GXYLT1: variants seen among roughly 807,000 people sequenced by gnomAD.
GXYLT1 encodes the protein glycosyltransferase 8 domain containing 3.
In GXYLT1, 29 loss-of-function variants were observed where a neutral mutation model predicts 54.0. The ratio of observed to expected loss-of-function variants is 0.54; its 90% CI spans 0.40 to 0.73. The LOEUF is 0.73. Ranked by LOEUF, GXYLT1 falls within the 30% of genes least tolerant of loss-of-function variation. The pLI, the probability that GXYLT1 is intolerant of heterozygous loss-of-function variation, is 0.00. For synonymous variants in GXYLT1, 176 were observed against 204.1 expected, an observed-to-expected ratio of 0.86 and a Z score of 1.17; for missense variants, 490 against 553.4, an observed-to-expected ratio of 0.89 and a Z score of 1.15.
chr12:42,118,592 T>G (rs1304987615), intron 3 of GXYLT1, among the ~76,000 whole-genome samples: 1 of 152,254 alleles, frequency 6.6e-6, no homozygotes, highest in Admixed American at 6.5e-5. Context: ...TTTGGCTCTG[T>G]GTTGCCACTC....
intron 5 of GXYLT1, among the ~76,000 whole-genome samples, chr12:42,101,309 A>C (rs1332578998): frequency 1.3e-5 from 2 of 152,182 alleles, no homozygotes; most frequent in East Asian, 3.8e-4. Context: ...ATAAGAAAAG[A>C]TTTTTAACCA....
chr12:42,099,812 C>T (rs1162519226), intron 5 of GXYLT1, among the ~76,000 whole-genome samples: 2 of 152,136 alleles, frequency 1.3e-5, no homozygotes, highest in Non-Finnish European at 2.9e-5. Flanking sequence ...GATTGTGCCA[C>T]TGCACTCCGG....
chr12:42,092,250 A>G (rs186444985), intron 7 of GXYLT1, among the ~76,000 whole-genome samples: 1 of 152,308 alleles, frequency 6.6e-6, no homozygotes, highest in Non-Finnish European at 1.5e-5. Context: ...TGACCCCCAC[A>G]TTTAAACTAA....
intron 7 of GXYLT1, among the ~76,000 whole-genome samples, chr12:42,090,764 G>A (rs1045782108): frequency 1.3e-5 from 2 of 152,160 alleles, no homozygotes; most frequent in African/African-American, 2.4e-5. Context: ...AGAGAGTTTT[G>A]CAAATATAAG....
chr12:42,142,546 A>T (rs1381500260), intron 1 of GXYLT1, among the ~76,000 whole-genome samples: 1 of 151,930 alleles, frequency 6.6e-6, no homozygotes, highest in African/African-American at 2.4e-5. Context: ...TGGGTTGTTG[A>T]CGAGGCTGGT....
At chr12:42,105,080 T>C (rs2065411603) in intron 5 of GXYLT1, among the ~76,000 whole-genome samples, 1 of 152,208 alleles carries the variant, frequency 6.6e-6, no homozygotes, top group South Asian at 2.1e-4. Flanking sequence ...AGTTAAGTAC[T>C]GCACAGGAGG....
At chr12:42,120,186 C>T (rs1410942684) in intron 2 of GXYLT1, among the ~76,000 whole-genome samples, 1 of 152,164 alleles carries the variant, frequency 6.6e-6, no homozygotes, top group Non-Finnish European at 1.5e-5. Flanking sequence ...TCTCCCCATA[C>T]CACCTCTCAC....
At chr12:42,108,664 C>T (rs1183539567) in intron 4 of GXYLT1, among the ~76,000 whole-genome samples, 1 of 152,132 alleles carries the variant, frequency 6.6e-6, no homozygotes, top group Non-Finnish European at 1.5e-5. Context: ...AACAAACATA[C>T]TGGTTAGACT....
chr12:42,116,718 G>A (rs2065497889), intron 3 of GXYLT1, among the ~76,000 whole-genome samples: 1 of 152,202 alleles, frequency 6.6e-6, no homozygotes, highest in Admixed American at 6.5e-5. Context: ...AAGTCATTGT[G>A]GTGATTCCTC....
chr12:42,129,575 T>C lies in GXYLT1; in HGVS notation c.314+184A>G, dbSNP rs527406178. 2.6e-5 allele frequency among the ~76,000 whole-genome samples: 4 copies of C among 152,258 alleles called. No individual in the cohort carries two copies. In the South Asian group the frequency reaches 8.3e-4, roughly 32 times the overall value. Reference sequence around the variant, plus strand: ...CATCTAAGAAAATTTAAAGCATTTATACACAGTATGTACTAAAAAATAGCA... The same window carrying C: ...CATCTAAGAAAATTTAAAGCATTTACACACAGTATGTACTAAAAAATAGCA... On this transcript the variant is annotated intron_variant, in intron 2 of 7. Transcript: ENST00000398675.
At chr12:42,105,389 T>TA (rs759016360) in intron 5 of GXYLT1, among the ~76,000 whole-genome samples, 8 of 152,210 alleles carry the variant, frequency 5.3e-5, no homozygotes, top group South Asian at 2.1e-4. Context: ...AAGACATTGG[T>TA]AGTGCTATCA....
intron 2 of GXYLT1, among the ~76,000 whole-genome samples, chr12:42,125,662 T>C (rs1418604504): frequency 1.3e-5 from 2 of 151,966 alleles, no homozygotes; most frequent in African/African-American, 2.4e-5. Flanking sequence ...AGAGGTGGGG[T>C]GATGACAGTA....
chr12:42,118,799 T>C (rs1161563343), intron 3 of GXYLT1, among the ~76,000 whole-genome samples: 1 of 152,208 alleles, frequency 6.6e-6, no homozygotes, highest in Non-Finnish European at 1.5e-5. Flanking sequence ...TACTTCCCCC[T>C]TTGCCTTCTG....
At chr12:42,113,520 C>T (rs1485230168) in intron 3 of GXYLT1, among the ~76,000 whole-genome samples, 1 of 151,022 alleles carries the variant, frequency 6.6e-6, no homozygotes, top group Non-Finnish European at 1.5e-5. Flanking sequence ...CAACAAAGAT[C>T]AGAAGAGACA....
At chr12:42,091,424 A>T (rs943625333) in intron 7 of GXYLT1, among the ~76,000 whole-genome samples, 15 of 152,072 alleles carry the variant, frequency 9.9e-5, no homozygotes, top group Non-Finnish European at 1.6e-4. Flanking sequence ...GATTTTTTTT[A>T]ATACTCAAAG....
In GXYLT1 at chr12:42,087,418, T is replaced by C. The variant is rs2065300910; in HGVS notation, c.*368A>G. 6.0e-6 allele frequency: 1 copy of C among 166,928 alleles called. No homozygotes were observed. 10.3% of individuals were successfully genotyped at this position (166,928 alleles called of 1,614,324 possible). On this transcript the variant is annotated 3_prime_UTR_variant, in exon 8 of 8. Coordinates refer to ENST00000398675, the MANE Select transcript of GXYLT1 (RefSeq NM_173601.2). ...TAGTGCTGACATAAAATTATTGCTC[T>C]ACTCACAGTCTTGAGTGTTGGCACT...
rs1295917181 is a variant in GXYLT1 at position 42,144,672 on chromosome 12, C to G, written c.-26G>C. The G allele has an allele frequency of 2.9e-6, 4 of 1,387,580 alleles. No individual in the cohort carries two copies. Among genetic ancestry groups the G allele is most frequent in the Non-Finnish European group, 3.8e-6 (4 of 1,063,372 alleles). The allele number at this position is 1,387,580 out of a possible 1,614,324, so 86.0% of individuals were successfully genotyped here. A position where few individuals can be genotyped will look rare whatever the true frequency, so the allele number is the denominator to read the frequency against. ...CGCCCCGGCCGCGCTCCTCCTTCGC[C>G]GCCGCCGCCGCGCCCGCCCCGACGA... On this transcript the variant is annotated 5_prime_UTR_variant, in exon 1 of 8. Transcript: ENST00000398675.
rs1348040217 is a variant in GXYLT1, at chr12:42,085,205, C to T, written c.*2581G>A. The T allele has an allele frequency of 6.8e-6, 1 of 147,052 alleles. No homozygotes were observed. The highest frequency in any genetic ancestry group is 1.5e-5 in the Non-Finnish European group (1 of 66,506). 9.1% of individuals were successfully genotyped at this position (147,052 alleles called of 1,614,324 possible). A position where few individuals can be genotyped will look rare whatever the true frequency, so the allele number is the denominator to read the frequency against. On this transcript the variant is annotated 3_prime_UTR_variant, in exon 8 of 8. Coordinates refer to ENST00000398675, the MANE Select transcript of GXYLT1 (RefSeq NM_173601.2). ...TTAGGTAGAAACAGTACCCAAAAGA[C>T]AGTTTTCACTATAATTCAATTTATG...
chr12:42,132,916 C>A (rs939501356), intron 1 of GXYLT1, among the ~76,000 whole-genome samples: 9 of 152,124 alleles, frequency 5.9e-5, no homozygotes, highest in African/African-American at 2.2e-4. Flanking sequence ...AAGAGCCCTA[C>A]ACTTCTGCTA....
Sources: gnomAD v4.1 joint callset for allele counts (sites outside exome capture counted in the v4.1 genomes callset) on GRCh38, gnomAD v4.1.1 for gene constraint, MANE v1.5 for transcripts, NCBI Gene and HGNC (gene_info 2026-07-23, HGNC 2026-07-21) for gene names.